ZCCHC8: variants seen among roughly 807,000 people sequenced by gnomAD.
ZCCHC8 encodes the protein zinc finger CCHC domain-containing protein 8.
Under a neutral mutation model 70.6 loss-of-function variants are expected in ZCCHC8, and 27 were observed. That is an observed-to-expected ratio of 0.38 (90% CI 0.28 to 0.53). ZCCHC8 has a LOEUF of 0.53. Among genes scored for constraint, ZCCHC8 ranks in the 20% least tolerant of loss-of-function variants. The pLI, the probability that ZCCHC8 is intolerant of heterozygous loss-of-function variation, is 0.81. For synonymous variants in ZCCHC8, 293 were observed against 317.4 expected, an observed-to-expected ratio of 0.92 and a Z score of 0.82; for missense variants, 737 against 876.9, an observed-to-expected ratio of 0.84 and a Z score of 2.01.
At chr12:122,482,147 T>C in intron 8 of ZCCHC8, 60 bp from the exon 9 acceptor site, 1 of 1,497,594 alleles carries the variant, frequency 6.7e-7, no homozygotes, top group South Asian at 1.4e-5. Context: ...TTTCAGAAAT[T>C]AAATAAAAAT....
chr12:122,484,094 A>G (rs992309459), intron 5 of ZCCHC8: 2 of 153,684 alleles, frequency 1.3e-5, no homozygotes, highest in African/African-American at 4.8e-5. Context: ...ACACACACAC[A>G]TACACTTTTT....
intron 5 of ZCCHC8, among the ~76,000 whole-genome samples, chr12:122,488,674 C>T (rs1161986543): frequency 6.6e-6 from 1 of 151,842 alleles, no homozygotes; most frequent in African/African-American, 2.4e-5. Context: ...AGTTCGAGAC[C>T]AGCCTGGCCA....
At position 122,483,146 on chromosome 12, in the gene ZCCHC8, T is replaced by C. The variant is rs1957568973; in HGVS notation, c.671+133A>G. 1.2e-6 allele frequency: 1 copy of C among 817,688 alleles called. No individual in the cohort carries two copies. The highest frequency in any genetic ancestry group is 2.8e-5 in the Admixed American group (1 of 35,702). 50.7% of individuals were successfully genotyped at this position (817,688 alleles called of 1,614,324 possible). On this transcript the variant is annotated intron_variant, in intron 7 of 13. Transcript: ENST00000633063. This position sits in a 1 kb window ranked among gnomAD's most constrained non-coding sequence, Gnocchi z 4.4. The stretch of plus-strand genomic sequence containing the variant: ...TAAACATTTAACATATATGTATGGA[T>C]TAAAATTCTAGCTCAATCTGTAATT...
In ZCCHC8 at chr12:122,474,734, C is replaced by CTT. The variant is rs1235367292; in HGVS notation, c.1346-461_1346-460dup. Among the ~76,000 whole-genome samples, 479 of 124,710 alleles carry CTT rather than the reference C, an allele frequency of 3.8e-3. 5 individuals carry two copies. The highest frequency in any genetic ancestry group is 0.014 in the South Asian group (52 of 3,824). 81.8% of individuals were successfully genotyped at this position (124,710 alleles called of 152,430 possible). ...GTACACCTTGGGTTATTTCCTAGCT[C>CTT]TTTTTTTTTTTTTTTTTTTTGAGAC... On this transcript the variant is annotated intron_variant, in intron 13 of 13. Coordinates refer to ENST00000633063, the MANE Select transcript of ZCCHC8 (RefSeq NM_017612.5).
chr12:122,490,604 A>G, intron 3 of ZCCHC8, 37 bp from the exon 4 acceptor site: 1 of 1,337,078 alleles, frequency 7.5e-7, no homozygotes, highest in East Asian at 2.3e-5. Flanking sequence ...ACCCAGACAG[A>G]GTAAAACATT....
chr12:122,476,697 T>C (rs951534707), intron 13 of ZCCHC8, among the ~76,000 whole-genome samples: 2 of 151,660 alleles, frequency 1.3e-5, no homozygotes, highest in African/African-American at 4.8e-5. Context: ...GTGACAGGGG[T>C]GCCACCACCA....
chr12:122,478,554 T>C (rs1156818349), intron 11 of ZCCHC8: 1 of 368,580 alleles, frequency 2.7e-6, no homozygotes, highest in Non-Finnish European at 5.0e-6. Context: ...AAGCAGAAGA[T>C]GTAGGCAGGA....
At chr12:122,499,932 T>C (rs1257281971) in intron 1 of ZCCHC8, 4 of 152,124 alleles carry the variant, frequency 2.6e-5, no homozygotes, top group Non-Finnish European at 5.9e-5. Context: ...CAAAGTTATC[T>C]ATCTACCTAT....
chr12:122,481,863 GATA>G, intron 9 of ZCCHC8, 79 bp downstream of exon 9: 1 of 1,510,484 alleles, frequency 6.6e-7, no homozygotes, highest in Non-Finnish European at 8.9e-7. Context: ...CTTATATCCT[GATA>G]ATTAGCCCAA....
rs561435090 is a variant in ZCCHC8, at chr12:122,494,907, T to A, written c.243-2118A>T. On this transcript the variant is annotated intron_variant, in intron 2 of 13. Coordinates refer to ENST00000633063, the MANE Select transcript of ZCCHC8 (RefSeq NM_017612.5). ...GCAGCTGCATGGTTCCTAAAGTGAG[T>A]CCAGTTTGATGAACCAGCTATAAAT... 3.3e-5 allele frequency among the ~76,000 whole-genome samples: 5 copies of A among 152,174 alleles called. No homozygotes were observed. In the East Asian group the frequency reaches 9.7e-4, roughly 29 times the overall value.
intron 2 of ZCCHC8, among the ~76,000 whole-genome samples, chr12:122,498,294 G>T (rs1371353396): frequency 6.6e-6 from 1 of 151,394 alleles, no homozygotes; most frequent in South Asian, 2.1e-4. Context: ...ACCACGTCCA[G>T]CTTATTTTTG....
chr12:122,476,126 C>T (rs1957412510), intron 13 of ZCCHC8, among the ~76,000 whole-genome samples: 2 of 152,254 alleles, frequency 1.3e-5, no homozygotes, highest in Admixed American at 1.3e-4. Flanking sequence ...GTATATATCA[C>T]TGTGGGCCAC....
At chr12:122,486,577 T>G (rs1957645198) in intron 5 of ZCCHC8, among the ~76,000 whole-genome samples, 1 of 150,898 alleles carries the variant, frequency 6.6e-6, no homozygotes, top group Non-Finnish European at 1.5e-5. Context: ...AGGGCCTGGC[T>G]TTTTTTTTGA....
intron 13 of ZCCHC8, among the ~76,000 whole-genome samples, chr12:122,476,832 G>C (rs1957427682): frequency 6.6e-6 from 1 of 151,980 alleles, no homozygotes; most frequent in Admixed American, 6.6e-5. Flanking sequence ...AGACCAGCCT[G>C]GCTAACACGG....
intron 5 of ZCCHC8, among the ~76,000 whole-genome samples, chr12:122,485,745 A>G (rs1274143848): frequency 6.8e-6 from 1 of 147,486 alleles, no homozygotes; most frequent in African/African-American, 2.5e-5. Context: ...ATCTCGGCTC[A>G]CTGCAAGCTC....
At chr12:122,482,209 A>G in intron 8 of ZCCHC8, 122 bp from the exon 9 acceptor site, 1 of 1,092,044 alleles carries the variant, frequency 9.2e-7, no homozygotes, top group Non-Finnish European at 1.2e-6. Context: ...TGTATAACGA[A>G]CAAGTGTAAA....
chr12:122,485,790 C>T (rs1025015586), intron 5 of ZCCHC8, among the ~76,000 whole-genome samples: 1 of 152,068 alleles, frequency 6.6e-6, no homozygotes, highest in Non-Finnish European at 1.5e-5. Flanking sequence ...CCCGCCTCAG[C>T]CTCATGAGTA....
intron 5 of ZCCHC8, among the ~76,000 whole-genome samples, chr12:122,485,260 A>G (rs1020008983): frequency 6.6e-6 from 1 of 152,038 alleles, no homozygotes; most frequent in African/African-American, 2.4e-5. Context: ...GATTACAGGC[A>G]TGCACCACCA....
chr12:122,474,234 G>A lies in ZCCHC8; in HGVS notation c.1387C>T (p.Gln463Ter). ...TCAGGAGGTAATGGTGGTTGAAACT[G>A]AAAACTTTCGCTGCTCTGAGAACCA... Reference protein sequence around the residue: ...PHGSQSSESFQFQPPLPPDTP... With the variant: ...PHGSQSSESF Residue 463 changes from glutamine (Q) to a stop codon, truncating the protein, a stop_gained, in exon 14 of 14, where the codon CAG (glutamine) becomes TAG (stop). Coordinates refer to ENST00000633063, the MANE Select transcript of ZCCHC8 (RefSeq NM_017612.5). LOFTEE classifies it low-confidence loss of function (END_TRUNC). 1.4e-6 allele frequency: 2 copies of A among 1,479,448 alleles called. No individual in the cohort carries two copies. Among genetic ancestry groups the A allele is most frequent in the Admixed American group, 2.6e-5 (1 of 38,214 alleles). The allele number at this position is 1,479,448 out of a possible 1,614,324, so 91.6% of individuals were successfully genotyped here.
Sources: allele counts gnomAD v4.1 joint callset (sites outside exome capture counted in the v4.1 genomes callset), GRCh38; gene constraint gnomAD v4.1.1; non-coding constraint Gnocchi (gnomAD v3.1); transcripts MANE v1.5; gene names NCBI Gene and HGNC (gene_info 2026-07-23, HGNC 2026-07-21).